SNX29: variants seen among roughly 807,000 people sequenced by gnomAD.
SNX29 encodes sorting nexin-29.
In SNX29, 78 loss-of-function variants were observed where a neutral mutation model predicts 102.1. That is an observed-to-expected ratio of 0.76 (90% CI 0.64 to 0.92). SNX29 has a LOEUF of 0.92. Ranked by LOEUF, SNX29 falls within the 40% of genes least tolerant of loss-of-function variation. The pLI is 0.00. For missense variants in SNX29, 1,280 were observed against 1,061.7 expected (o/e 1.21, Z -2.86); for synonymous variants, 580 against 414.5 (o/e 1.40, Z -4.85).
chr16:12,013,488 G>GGAAAAA (rs781538940), intron 3 of SNX29, among the ~76,000 whole-genome samples: 5 of 12,980 alleles, frequency 3.9e-4, no homozygotes, highest in African/African-American at 5.8e-4. Flanking sequence ...TCTACTGGGG[G>GGAAAAA]AAAAAAAAAA....
At chr16:12,445,855 C>G (rs746154317) in intron 18 of SNX29, among the ~76,000 whole-genome samples, 2 of 152,116 alleles carry the variant, frequency 1.3e-5, no homozygotes, top group African/African-American at 2.4e-5. Flanking sequence ...GCTGCTGCCC[C>G]CATTCTACAG....
chr16:12,443,175 C>G, intron 18 of SNX29: 1 of 374,922 alleles, frequency 2.7e-6, no homozygotes. Flanking sequence ...CTGTCATGCT[C>G]CTTCCTATGG....
intron 19 of SNX29, among the ~76,000 whole-genome samples, chr16:12,518,839 G>A (rs1049507917): frequency 6.6e-6 from 1 of 152,198 alleles, no homozygotes; most frequent in African/African-American, 2.4e-5. Flanking sequence ...GGATTTCGCT[G>A]CATTCCCACA....
At chr16:12,012,854 A>G (rs2056698203) in intron 3 of SNX29, among the ~76,000 whole-genome samples, 1 of 152,074 alleles carries the variant, frequency 6.6e-6, no homozygotes. Flanking sequence ...TTTTCCTGAC[A>G]CACATAAATG....
intron 18 of SNX29, among the ~76,000 whole-genome samples, chr16:12,463,827 T>A (rs1258775437): frequency 1.3e-5 from 2 of 150,406 alleles, no homozygotes; most frequent in East Asian, 2.0e-4. Context: ...AGTGTGTGTG[T>A]GTGTGTGTGT....
Position 12,554,533 on chromosome 16 carries a change from C to G in SNX29, c.2319-13973C>G, listed in dbSNP as rs147009890. ...CAGGATGCTGCATTGAACATTCTCG[C>G]CCACGTTTTTGTGAACTTGTTCAAC... is the stretch of plus-strand genomic sequence containing the variant. On this transcript the variant is annotated intron_variant, in intron 20 of 20. Coordinates refer to ENST00000566228, the MANE Select transcript of SNX29 (RefSeq NM_032167.5). Among the ~76,000 whole-genome samples, 26 of 152,334 alleles carry G rather than the reference C, an allele frequency of 1.7e-4. No homozygotes were observed. The East Asian group carries it at 3.5e-3, about 20-fold the overall frequency.
At chr16:12,481,094 C>T (rs1233449858) in intron 19 of SNX29, among the ~76,000 whole-genome samples, 1 of 152,132 alleles carries the variant, frequency 6.6e-6, no homozygotes, top group Non-Finnish European at 1.5e-5. Flanking sequence ...AAGCCTGTGT[C>T]AGCCAAGCAA....
chr16:12,384,897 A>G (rs919258777), intron 16 of SNX29, among the ~76,000 whole-genome samples: 1 of 152,208 alleles, frequency 6.6e-6, no homozygotes, highest in Non-Finnish European at 1.5e-5. Context: ...GAGGCCGGGC[A>G]TGGTGGCTCC....
chr16:12,421,753 A>G (rs769479472), intron 18 of SNX29, among the ~76,000 whole-genome samples: 1 of 152,086 alleles, frequency 6.6e-6, no homozygotes, highest in Non-Finnish European at 1.5e-5. Flanking sequence ...CACCATCATT[A>G]TCATCATCAC....
At chr16:12,484,414 C>T (rs188414003) in intron 19 of SNX29, among the ~76,000 whole-genome samples, 198 of 152,294 alleles carry the variant, frequency 1.3e-3, no homozygotes, top group African/African-American at 4.4e-3. Flanking sequence ...CTATTTTCCA[C>T]GCTGTAGCAA....
chr16:12,048,182 T>G (rs2050162034), intron 6 of SNX29, among the ~76,000 whole-genome samples, 190 bp from the exon 7 acceptor site: 1 of 151,560 alleles, frequency 6.6e-6, no homozygotes. Context: ...GAGTCTTGCT[T>G]TGTCACCCAG....
chr16:12,471,630 G>A (rs891155143), intron 18 of SNX29, among the ~76,000 whole-genome samples: 3 of 152,250 alleles, frequency 2.0e-5, no homozygotes, highest in African/African-American at 7.2e-5. Context: ...GCCTGGCTTA[G>A]ACATCCCTGC....
At chr16:12,342,871 C>A (rs977732301) in intron 15 of SNX29, among the ~76,000 whole-genome samples, 5 of 152,182 alleles carry the variant, frequency 3.3e-5, no homozygotes, top group African/African-American at 4.8e-5. Context: ...TGCTGGTGTT[C>A]ATGAATTACT....
chr16:12,119,718 TGGG>T (rs111914113), intron 11 of SNX29, among the ~76,000 whole-genome samples: 1,832 of 152,238 alleles, frequency 0.012, 34 homozygotes, highest in Admixed American at 0.04. Context: ...ACTGCCCGCT[TGGG>T]GGGACAGGCC....
At chr16:12,181,001 A>G (rs1048168698) in intron 13 of SNX29, among the ~76,000 whole-genome samples, 1 of 152,012 alleles carries the variant, frequency 6.6e-6, no homozygotes, top group Non-Finnish European at 1.5e-5. Flanking sequence ...CTGCTTCTGT[A>G]GCTTTTTCCC....
intron 18 of SNX29, among the ~76,000 whole-genome samples, chr16:12,442,174 A>C (rs890649661): frequency 2.6e-5 from 4 of 152,266 alleles, no homozygotes; most frequent in East Asian, 3.9e-4. Flanking sequence ...TAAAAAAAAA[A>C]CTGTTCTTTC....
intron 13 of SNX29, among the ~76,000 whole-genome samples, chr16:12,147,899 C>T (rs1293436806): frequency 1.4e-4 from 22 of 152,028 alleles, no homozygotes; most frequent in Admixed American, 1.4e-3. Context: ...TATTTTGGAG[C>T]CTGGGAGGGG....
chr16:12,218,875 C>T (rs891021219), intron 14 of SNX29, among the ~76,000 whole-genome samples: 6 of 152,064 alleles, frequency 3.9e-5, no homozygotes, highest in African/African-American at 1.2e-4. Context: ...GCCGGGTTCA[C>T]GCCATTCTCC....
At chr16:12,500,638 T>G (rs1289529018) in intron 19 of SNX29, among the ~76,000 whole-genome samples, 1 of 152,264 alleles carries the variant, frequency 6.6e-6, no homozygotes, top group Non-Finnish European at 1.5e-5. Flanking sequence ...CATCTGTCTA[T>G]TCTTTCTCAA....
Sources: gnomAD v4.1 joint callset for allele counts (sites outside exome capture counted in the v4.1 genomes callset) on GRCh38, gnomAD v4.1.1 for gene constraint, MANE v1.5 for transcripts, NCBI Gene and HGNC (gene_info 2026-07-23, HGNC 2026-07-21) for gene names.